COL14A1: variants seen among roughly 807,000 people sequenced by gnomAD.
COL14A1 encodes collagen alpha-1(XIV) chain.
Under a neutral mutation model 230.3 loss-of-function variants are expected in COL14A1, and 136 were observed. The observed-to-expected ratio is 0.59, with a 90% CI of 0.51 to 0.68. COL14A1 has a LOEUF of 0.68. COL14A1 is among the 30% of genes least tolerant of loss of function. The pLI is 0.00. For missense variants in COL14A1, 1,976 were observed against 2,215.8 expected (o/e 0.89, Z 2.17); for synonymous variants, 792 against 784.1 (o/e 1.01, Z -0.17).
chr8:120,209,767 A>T lies in COL14A1; in HGVS notation c.1333A>T (p.Met445Leu). 1 of 1,606,908 alleles carries T rather than the reference A, an allele frequency of 6.2e-7. No homozygotes were observed. Among genetic ancestry groups the T allele is most frequent in the Non-Finnish European group, 8.5e-7 (1 of 1,177,714 alleles). Residue 445 changes from methionine (M) to leucine (L), a missense_variant, in exon 12 of 48, where the codon ATG becomes TTG. Met to Leu is a conservative substitution (Grantham distance 15). Coordinates refer to ENST00000297848, the MANE Select transcript of COL14A1 (RefSeq NM_021110.4). Reference sequence around the variant, plus strand: ...AAAATCTCTTGCAGTTGCTTTACCGATGGCTTCTGACCTTCTACTGTACGA... The same window carrying T: ...AAAATCTCTTGCAGTTGCTTTACCGTTGGCTTCTGACCTTCTACTGTACGA... The part of the protein sequence containing the change: ...RGTETTLALP[M>L]ASDLLLYDVT...
chr8:120,362,568 G>T (rs1349260166), intron 45 of COL14A1, among the ~76,000 whole-genome samples: 1 of 152,210 alleles, frequency 6.6e-6, no homozygotes, highest in African/African-American at 2.4e-5. Flanking sequence ...GTCAGTGTTA[G>T]GTTAGTGGTG....
chr8:120,162,171 T>G (rs1363220031), intron 3 of COL14A1, among the ~76,000 whole-genome samples: 1 of 152,222 alleles, frequency 6.6e-6, no homozygotes, highest in Non-Finnish European at 1.5e-5. Flanking sequence ...AAAAGGAAGA[T>G]GGAAACTATT....
intron 45 of COL14A1, among the ~76,000 whole-genome samples, chr8:120,350,958 C>G (rs970111557): frequency 6.6e-6 from 1 of 150,748 alleles, no homozygotes; most frequent in Admixed American, 6.6e-5. Flanking sequence ...CACACCACAC[C>G]TATTCCAAAA....
At position 120,198,067 on chromosome 8, in the gene COL14A1, C is replaced by T. The variant is rs1239084078; in HGVS notation, c.712+137C>T. 4.8e-6 allele frequency: 4 copies of T among 825,784 alleles called. No individual in the cohort carries two copies. In the East Asian group the frequency reaches 8.4e-5, roughly 17 times the overall value. The allele number at this position is 825,784 out of a possible 1,614,324, so 51.2% of individuals were successfully genotyped here. A position where few individuals can be genotyped will look rare whatever the true frequency, so the allele number is the denominator to read the frequency against. ...TTAGGATTCTTTGATGGCTGTTTTC[C>T]CAAACTCAGCATTGAGTTAAAAGCC... On this transcript the variant is annotated intron_variant, in intron 7 of 47. Transcript: ENST00000297848.
chr8:120,345,582 C>T lies in COL14A1; in HGVS notation c.5077+19C>T. On this transcript the variant is annotated intron_variant, in intron 45 of 47. Coordinates refer to ENST00000297848, the MANE Select transcript of COL14A1 (RefSeq NM_021110.4). The stretch of plus-strand genomic sequence containing the variant: ...GAACGAGGTAAGCTGGGCCCCTTCT[C>T]TCAGAGGAACTCCTCTGAGTTGGGT... The T allele has an allele frequency of 6.7e-7, 1 of 1,503,146 alleles. No individual in the cohort carries two copies. The highest frequency in any genetic ancestry group is 8.8e-7 in the Non-Finnish European group (1 of 1,132,234). The allele number at this position is 1,503,146 out of a possible 1,614,324, so 93.1% of individuals were successfully genotyped here. A position where few individuals can be genotyped will look rare whatever the true frequency, so the allele number is the denominator to read the frequency against.
At chr8:120,287,415 G>T (rs1178613766) in intron 33 of COL14A1, among the ~76,000 whole-genome samples, 1 of 152,152 alleles carries the variant, frequency 6.6e-6, no homozygotes, top group East Asian at 1.9e-4. Context: ...GTTATGGAGA[G>T]TGTATTGCAA....
In COL14A1 at chr8:120,289,694, T is replaced by C. The variant is rs1406692004; in HGVS notation, c.4164T>C (p.Asn1388=). Residue 1388 remains asparagine (N), a synonymous_variant, in exon 34 of 48, where the codon AAT becomes AAC. Transcript: ENST00000297848. ...AGAAGGCAATGAACGCATCAGCTAA[T>C]ATCACGTCAGATGGTGTAGAAGTGC... ...VGEKAMNASA[N]ITSDGVEVLG... is the part of the protein sequence containing the mutation. 2 of 1,614,098 alleles carry C rather than the reference T, an allele frequency of 1.2e-6. No individual in the cohort carries two copies. The highest frequency in any genetic ancestry group is 1.7e-5 in the Admixed American group (1 of 60,010).
In COL14A1 at chr8:120,197,884, T is replaced by A; in HGVS notation, c.666T>A (p.Ile222=). 1 of 1,613,760 alleles carries A rather than the reference T, an allele frequency of 6.2e-7. No individual in the cohort carries two copies. The highest frequency in any genetic ancestry group is 8.5e-7 in the Non-Finnish European group (1 of 1,179,730). The change falls in exon 7 of 48, where the codon ATT becomes ATA. Residue 222 remains isoleucine (I), a synonymous_variant. Transcript: ENST00000297848. The part of the protein sequence containing the change: ...LNAFSTKDEV[I]EAVRNLPYKG... ...CATTTAGCACAAAAGATGAAGTGAT[T>A]GAAGCTGTCCGAAACCTCCCATATA...
chr8:120,292,785 C>T (rs1281742351), intron 34 of COL14A1, among the ~76,000 whole-genome samples: 1 of 151,984 alleles, frequency 6.6e-6, no homozygotes, highest in Non-Finnish European at 1.5e-5. Context: ...TCAATAAATG[C>T]CAGATGGTGG....
At chr8:120,341,499 T>G (rs1822297385) in intron 43 of COL14A1, 139 bp downstream of exon 43, 1 of 949,314 alleles carries the variant, frequency 1.1e-6, no homozygotes, top group African/African-American at 1.7e-5. Context: ...TTTCCCCAAT[T>G]CATTAGACTG....
At chr8:120,179,326 G>A (rs907924009) in intron 5 of COL14A1, among the ~76,000 whole-genome samples, 2 of 152,284 alleles carry the variant, frequency 1.3e-5, no homozygotes, top group South Asian at 4.2e-4. Flanking sequence ...AAGCTGATAA[G>A]CAACTTCAAC....
At chr8:120,342,667 A>G (rs544793620) in intron 44 of COL14A1, among the ~76,000 whole-genome samples, 9 of 152,296 alleles carry the variant, frequency 5.9e-5, no homozygotes, top group Admixed American at 1.3e-4. Flanking sequence ...CCTTTGTGTC[A>G]TTGGTCCAAG....
intron 4 of COL14A1, among the ~76,000 whole-genome samples, chr8:120,166,272 A>G (rs1815869154): frequency 6.6e-6 from 1 of 152,192 alleles, no homozygotes; most frequent in South Asian, 2.1e-4. Context: ...CTAGTGCTTT[A>G]GGGTATGTTG....
intron 42 of COL14A1, among the ~76,000 whole-genome samples, chr8:120,339,980 G>A (rs568016547): frequency 1.3e-5 from 2 of 149,684 alleles, no homozygotes; most frequent in East Asian, 4.0e-4. Context: ...AGAGGCTGCA[G>A]TGAGCTGAGA....
intron 42 of COL14A1, among the ~76,000 whole-genome samples, chr8:120,336,636 G>A (rs1469888299): frequency 1.3e-5 from 2 of 151,936 alleles, no homozygotes; most frequent in African/African-American, 2.4e-5. Context: ...CCTACCCCTG[G>A]AGGAAGGAGC....
chr8:120,341,493 C>A, intron 43 of COL14A1, 133 bp downstream of exon 43: 1 of 995,776 alleles, frequency 1.0e-6, no homozygotes, highest in Non-Finnish European at 1.5e-6. Flanking sequence ...TCTCCCTTTC[C>A]CCAATTCATT....
chr8:120,360,396 C>A (rs547051762), intron 45 of COL14A1, among the ~76,000 whole-genome samples: 1 of 152,282 alleles, frequency 6.6e-6, no homozygotes, highest in African/African-American at 2.4e-5. Flanking sequence ...GCTTGTCATG[C>A]CCTGGCCTAG....
intron 25 of COL14A1, 67 bp downstream of exon 25, chr8:120,266,950 T>C (rs1297672115): frequency 2.2e-6 from 3 of 1,351,482 alleles, no homozygotes. Flanking sequence ...GTTTGCCTGT[T>C]CATTTCAAAC....
chr8:120,272,743 A>G lies in COL14A1; in HGVS notation c.3213+2569A>G, dbSNP rs1989004. The stretch of plus-strand genomic sequence containing the variant: ...ATAAAAGGATTGATCCAACAAGAAG[A>G]TATTACAATCCTACATTTATATGGA... On this transcript the variant is annotated intron_variant, in intron 26 of 47. Transcript: ENST00000297848. Among the ~76,000 whole-genome samples, 796 of 151,896 alleles carry G rather than the reference A, an allele frequency of 5.2e-3. 5 individuals are homozygous for G. Among genetic ancestry groups the G allele is most frequent in the African/African-American group, 0.018 (730 of 41,512 alleles).
Sources: gnomAD v4.1 joint callset for allele counts (sites outside exome capture counted in the v4.1 genomes callset) on GRCh38, gnomAD v4.1.1 for gene constraint, MANE v1.5 for transcripts, NCBI Gene and HGNC (gene_info 2026-07-23, HGNC 2026-07-21) for gene names.